EFEMP2: variants seen among roughly 807,000 people sequenced by gnomAD.
EFEMP2 encodes EGF-containing fibulin-like extracellular matrix protein 2.
In EFEMP2, 21 loss-of-function variants were observed where a neutral mutation model predicts 55.3. The ratio of observed to expected loss-of-function variants is 0.38; its 90% CI spans 0.27 to 0.55. EFEMP2 has a LOEUF of 0.55. Ranked by LOEUF, EFEMP2 falls within the 20% of genes least tolerant of loss-of-function variation. The probability of loss-of-function intolerance (pLI) is 0.77; values close to 1 mark genes in which losing one functional copy is unlikely to be tolerated. For missense variants in EFEMP2, 513 were observed against 615.1 expected (o/e 0.83, Z 1.76); for synonymous variants, 275 against 242.3 (o/e 1.14, Z -1.25).
In EFEMP2 at chr11:65,870,241, G is replaced by A. The variant is rs1412085554; in HGVS notation, c.491-4C>T. ...CGGTAGCGGCACTCGTCTATGTCTA[G>A]GGATAGAGGCAGGAGAAGGAGGGCG... On this transcript the variant is annotated splice_region_variant and splice_polypyrimidine_tract_variant and intron_variant, in intron 5 of 10. Transcript: ENST00000307998. 2.5e-6 allele frequency: 4 copies of A among 1,613,038 alleles called. No homozygotes were observed. The highest frequency in any genetic ancestry group is 3.4e-6 in the Non-Finnish European group (4 of 1,179,792).
rs1314192173 is a variant in EFEMP2, at chr11:65,870,603, A to G, written c.423T>C (p.His141=). 6.8e-6 allele frequency: 11 copies of G among 1,614,000 alleles called. No individual in the cohort carries two copies. The highest frequency in any genetic ancestry group is 7.6e-6 in the Non-Finnish European group (9 of 1,180,008). ...LHDCRPSQDC[H]NLPGSYQCTC... Reference sequence around the variant, plus strand: ...TGCACTGATAGGAGCCAGGCAAGTTATGGCAGTCCTGGCTGGGGCGACAGT... The same window carrying G: ...TGCACTGATAGGAGCCAGGCAAGTTGTGGCAGTCCTGGCTGGGGCGACAGT... The change falls in exon 5 of 11, where the codon CAT becomes CAC. Residue 141 remains histidine (H), a synonymous_variant. Coordinates refer to ENST00000307998, the MANE Select transcript of EFEMP2 (RefSeq NM_016938.5).
intron 1 of EFEMP2, 146 bp from the exon 2 acceptor site, chr11:65,872,507 A>ACAGGCCCAGGTCC (rs1859983695): frequency 1.9e-5 from 11 of 582,738 alleles, no homozygotes; most frequent in Non-Finnish European, 6.1e-6. Flanking sequence ...CCGACTCCTC[A>ACAGGCCCAGGTCC]CAGGCCCAGG....
At position 65,868,042 on chromosome 11, in the gene EFEMP2, G is replaced by A. The variant is rs781029572; in HGVS notation, c.989C>T (p.Pro330Leu). 2.0e-5 allele frequency: 32 copies of A among 1,613,692 alleles called. 1 individual carries two copies. The South Asian group carries it at 2.9e-4, about 14-fold the overall frequency. The change falls in exon 10 of 11, where the codon CCG (proline) becomes CTG (leucine). Residue 330 changes from proline (P) to leucine (L), a missense_variant. Transcript: ENST00000307998. The part of the protein sequence containing the change: ...IQVSENRCLC[P>L]ASNPLCREQP... ...CTCTCGACATAGAGGGTTGGAGGCC[G>A]GGCAGAGACAGCGGCTAGAGACCCC...
intron 3 of EFEMP2, 103 bp downstream of exon 3, chr11:65,871,867 T>C: frequency 7.0e-7 from 1 of 1,430,704 alleles, no homozygotes; most frequent in Non-Finnish European, 9.6e-7. Context: ...AACGGGCTGC[T>C]GGGCTCCCAC....
At chr11:65,869,763 G>A (rs1859930696) in intron 7 of EFEMP2, 94 bp downstream of exon 7, 1 of 1,572,490 alleles carries the variant, frequency 6.4e-7, no homozygotes, top group African/African-American at 1.3e-5. Context: ...ACAGGAGGCG[G>A]AGGCCTCAAA....
At position 65,868,440 on chromosome 11, in the gene EFEMP2, G is replaced by A; in HGVS notation, c.848-19C>T. On this transcript the variant is annotated intron_variant, in intron 8 of 10. Transcript: ENST00000307998. The stretch of plus-strand genomic sequence containing the variant: ...TCAATGTCTGTGCCAGGGGAGAGGG[G>A]CTGGAATCGGGGGCGTCAGGCTGCC... 1 of 1,613,914 alleles carries A rather than the reference G, an allele frequency of 6.2e-7. No homozygotes were observed. The highest frequency in any genetic ancestry group is 8.5e-7 in the Non-Finnish European group (1 of 1,180,030).
chr11:65,867,974 C>G lies in EFEMP2; in HGVS notation c.1057G>C (p.Glu353Gln). 1 of 1,614,092 alleles carries G rather than the reference C, an allele frequency of 6.2e-7. No individual in the cohort carries two copies. The change falls in exon 10 of 11, where the codon GAG becomes CAG. Residue 353 changes from glutamate to glutamine, a missense_variant. Coordinates refer to ENST00000307998, the MANE Select transcript of EFEMP2 (RefSeq NM_016938.5). ...IVHRYMTITS[E>Q]RSVPADVFQI... is the part of the protein sequence containing the mutation. ...AACACGTCAGCGGGCACGCTCCGCT[C>G]CGAGGTGATGGTCATGTAGCGGTGC...
chr11:65,871,950 G>A lies in EFEMP2; in HGVS notation c.160+20C>T, dbSNP rs1859971594. Reference sequence around the variant, plus strand: ...CCTTTCCGGGTTCCTGGGGGTGTTTGGTCCCCCAGGCACACACACCCCGGC... The same window carrying A: ...CCTTTCCGGGTTCCTGGGGGTGTTTAGTCCCCCAGGCACACACACCCCGGC... On this transcript the variant is annotated intron_variant, in intron 3 of 10. Transcript: ENST00000307998. The A allele has an allele frequency of 6.4e-7, 1 of 1,551,336 alleles. No homozygotes were observed. Among genetic ancestry groups the A allele is most frequent in the Admixed American group, 2.0e-5 (1 of 51,004 alleles).
rs796483686 is a variant in EFEMP2 at position 65,871,654 on chromosome 11, C to A, written c.161-291G>T. 3.0e-5 allele frequency: 18 copies of A among 596,310 alleles called. No homozygotes were observed. The East Asian group carries it at 3.9e-4, about 13-fold the overall frequency. 36.9% of individuals were successfully genotyped at this position (596,310 alleles called of 1,614,324 possible). A position where few individuals can be genotyped will look rare whatever the true frequency, so the allele number is the denominator to read the frequency against. Reference sequence around the variant, plus strand: ...CCAAGATGGGGGGCCTCCTTACCCACCCCTGGGGACGCTACCCTCCCAGGT... The same window carrying A: ...CCAAGATGGGGGGCCTCCTTACCCAACCCTGGGGACGCTACCCTCCCAGGT... On this transcript the variant is annotated intron_variant, in intron 3 of 10. Coordinates refer to ENST00000307998, the MANE Select transcript of EFEMP2 (RefSeq NM_016938.5).
At position 65,868,021 on chromosome 11, in the gene EFEMP2, C is replaced by T. The variant is rs755197148; in HGVS notation, c.1010G>A (p.Arg337Gln). The T allele has an allele frequency of 1.5e-5, 24 of 1,613,804 alleles. No homozygotes were observed. The highest frequency in any genetic ancestry group is 9.3e-5 in the African/African-American group (7 of 74,900). ...CLCPASNPLC[R>Q]EQPSSIVHRY... ...GTGCACAATGGATGAAGGCTGCTCT[C>T]GACATAGAGGGTTGGAGGCCGGGCA... Residue 337 changes from arginine (R) to glutamine (Q), a missense_variant, in exon 10 of 11, where the codon CGA (arginine) becomes CAA (glutamine). Transcript: ENST00000307998.
chr11:65,867,257 G>C, intron 10 of EFEMP2, 178 bp from the exon 11 acceptor site: 1 of 681,116 alleles, frequency 1.5e-6, no homozygotes, highest in Non-Finnish European at 2.5e-6. Flanking sequence ...CCCCACCCAG[G>C]CTCCTGCCCT....
chr11:65,869,673 C>T, intron 7 of EFEMP2, 184 bp downstream of exon 7: 3 of 859,114 alleles, frequency 3.5e-6, no homozygotes, highest in Non-Finnish European at 5.7e-6. Flanking sequence ...GCTGCCTCTC[C>T]TTGTGCCTCC....
intron 2 of EFEMP2, 53 bp downstream of exon 2, chr11:65,872,191 T>A (rs1294764970): frequency 1.3e-6 from 2 of 1,521,246 alleles, no homozygotes; most frequent in East Asian, 4.9e-5. Flanking sequence ...TGGGTCCCGG[T>A]CTCTTCCTCC....
Position 65,872,730 on chromosome 11 carries a change from G to C in EFEMP2, c.-55C>G. 1 of 354,984 alleles carries C rather than the reference G, an allele frequency of 2.8e-6. No individual in the cohort carries two copies. The highest frequency in any genetic ancestry group is 5.7e-6 in the Non-Finnish European group (1 of 175,556). The allele number at this position is 354,984 out of a possible 1,614,324, so 22.0% of individuals were successfully genotyped here. A position where few individuals can be genotyped will look rare whatever the true frequency, so the allele number is the denominator to read the frequency against. ...GCCCGCGGCTCTGGCGGCTCGGCTG[G>C]CTCGGGCAATGCCTGCGGGCAGACG... On this transcript the variant is annotated 5_prime_UTR_variant, in exon 1 of 11. Coordinates refer to ENST00000307998, the MANE Select transcript of EFEMP2 (RefSeq NM_016938.5).
In EFEMP2 at chr11:65,871,295, C is replaced by T; in HGVS notation, c.229G>A (p.Gly77Ser). ...GEMKCINHYG[G>S]YLCLPRSAAV... is the part of the protein sequence containing the mutation. ...GCGGAGCGGGGCAGGCACAAGTAGC[C>T]CCCGTAGTGGTTGATGCACTTCATT... The change falls in exon 4 of 11, where the codon GGC becomes AGC. Residue 77 changes from glycine to serine, a missense_variant. By Grantham distance (56) the Gly-to-Ser change is moderately conservative. Transcript: ENST00000307998. 6.2e-7 allele frequency: 1 copy of T among 1,614,148 alleles called. No homozygotes were observed. Among genetic ancestry groups the T allele is most frequent in the South Asian group, 1.1e-5 (1 of 91,082 alleles).
chr11:65,872,155 G>C, intron 2 of EFEMP2, 89 bp downstream of exon 2: 1 of 1,496,986 alleles, frequency 6.7e-7, no homozygotes, highest in South Asian at 1.2e-5. Flanking sequence ...GCCAGGGGAG[G>C]AAGACTTCCC....
At position 65,870,667 on chromosome 11, in the gene EFEMP2, GAC is replaced by G; in HGVS notation, c.368-11_368-10del. On this transcript the variant is annotated splice_polypyrimidine_tract_variant and intron_variant, in intron 4 of 10. Coordinates refer to ENST00000307998, the MANE Select transcript of EFEMP2 (RefSeq NM_016938.5). ...GGCACACTCGTCCACATCTGCGAGAGACACCACTCAGCCCCTGCCTGGGATCC... is the reference window on the plus strand; with the variant it reads ...GGCACACTCGTCCACATCTGCGAGAGACCACTCAGCCCCTGCCTGGGATCC... 1 of 1,613,926 alleles carries G rather than the reference GAC, an allele frequency of 6.2e-7. No homozygotes were observed. The highest frequency in any genetic ancestry group is 8.5e-7 in the Non-Finnish European group (1 of 1,180,002).
In EFEMP2 at chr11:65,872,366, G is replaced by A. The variant is rs374767414; in HGVS notation, c.-7-5C>T. On this transcript the variant is annotated splice_region_variant and splice_polypyrimidine_tract_variant and intron_variant, in intron 1 of 10. Transcript: ENST00000307998. Reference sequence around the variant, plus strand: ...GCGCAGGGGAGCATCCTGGGGCTGCGAGATGGTGGACACGGGTCAGGGGCC... The same window carrying A: ...GCGCAGGGGAGCATCCTGGGGCTGCAAGATGGTGGACACGGGTCAGGGGCC... 3.2e-6 allele frequency: 5 copies of A among 1,540,220 alleles called. No homozygotes were observed. In the South Asian group the frequency reaches 6.0e-5, roughly 18 times the overall value.
intron 3 of EFEMP2, 43 bp downstream of exon 3, chr11:65,871,927 T>G: frequency 6.4e-7 from 1 of 1,551,038 alleles, no homozygotes; most frequent in Non-Finnish European, 8.7e-7. Flanking sequence ...TATCAATCCC[T>G]TTCCGGGTTC....
Sources: allele counts gnomAD v4.1 joint callset, GRCh38; gene constraint gnomAD v4.1.1; transcripts MANE v1.5; gene names NCBI Gene and HGNC (gene_info 2026-07-23, HGNC 2026-07-21).